PHACTR3: variants seen among roughly 807,000 people sequenced by gnomAD.
PHACTR3 encodes the protein phosphatase and actin regulator 3, also known as protein phosphatase 1, regulatory subunit 123.
In PHACTR3, 16 loss-of-function variants were observed where a neutral mutation model predicts 66.8. The ratio of observed to expected loss-of-function variants is 0.24; its 90% confidence interval spans 0.16 to 0.36. The LOEUF (loss-of-function observed/expected upper bound fraction) is 0.36, where lower values mean the gene tolerates loss of function less well. PHACTR3 is among the 10% of genes least tolerant of loss of function. PHACTR3 has a pLI of 1.00. For synonymous variants in PHACTR3, 323 were observed against 292.1 expected (o/e 1.11, Z -1.08); for missense variants, 647 against 719.9 (o/e 0.90, Z 1.16).
intron 8 of PHACTR3, among the ~76,000 whole-genome samples, chr20:59,831,663 A>G (rs1568866670): frequency 6.6e-6 from 1 of 152,038 alleles, no homozygotes; most frequent in African/African-American, 2.4e-5. Context: ...TGCAGCTTCC[A>G]AAGCCCAGCT....
In PHACTR3 at chr20:59,774,500, G is replaced by C. The variant is rs1057043879; in HGVS notation, c.1174+10G>C. On this transcript the variant is annotated intron_variant, in intron 7 of 12. Transcript: ENST00000371015. ...GACTCCATTATTTCTGGTGAGGAAA[G>C]GATGGCCCATTAAGTGTGGGGATCT... The C allele has an allele frequency of 4.3e-6, 7 of 1,612,216 alleles. No individual in the cohort carries two copies. Among genetic ancestry groups the C allele is most frequent in the Non-Finnish European group, 5.9e-6 (7 of 1,179,106 alleles).
At chr20:59,582,579 G>A (rs533768223) in intron 1 of PHACTR3, among the ~76,000 whole-genome samples, 27 of 152,280 alleles carry the variant, frequency 1.8e-4, no homozygotes, top group Non-Finnish European at 3.1e-4. Context: ...CGTTTCTCTC[G>A]CCAGCACTTG....
At chr20:59,594,663 T>C (rs964665150) in intron 1 of PHACTR3, among the ~76,000 whole-genome samples, 1 of 152,230 alleles carries the variant, frequency 6.6e-6, no homozygotes, top group Admixed American at 6.5e-5. Flanking sequence ...ATTAGTAACT[T>C]GTGTCCTCTC....
At chr20:59,654,632 A>C (rs1391517499) in intron 1 of PHACTR3, among the ~76,000 whole-genome samples, 3 of 152,158 alleles carry the variant, frequency 2.0e-5, no homozygotes, top group Non-Finnish European at 4.4e-5. Flanking sequence ...TTTTACTACC[A>C]GTTTTCAGGA....
At chr20:59,709,757 T>G (rs2037845008) in intron 1 of PHACTR3, among the ~76,000 whole-genome samples, 1 of 152,068 alleles carries the variant, frequency 6.6e-6, no homozygotes, top group Non-Finnish European at 1.5e-5. Flanking sequence ...ATGAAGGACC[T>G]GATGGGAATT....
chr20:59,651,467 A>G (rs927731688), intron 1 of PHACTR3, among the ~76,000 whole-genome samples: 1 of 152,238 alleles, frequency 6.6e-6, no homozygotes, highest in African/African-American at 2.4e-5. Flanking sequence ...AGCTAGCCAT[A>G]TGAACCTTAT....
At chr20:59,780,491 G>A (rs889413921) in intron 7 of PHACTR3, among the ~76,000 whole-genome samples, 6 of 152,282 alleles carry the variant, frequency 3.9e-5, no homozygotes, top group African/African-American at 1.2e-4. Flanking sequence ...GGCAGAAGGG[G>A]CCACAGAGCT....
intron 1 of PHACTR3, among the ~76,000 whole-genome samples, chr20:59,658,708 G>A (rs892893002): frequency 1.3e-5 from 2 of 152,134 alleles, no homozygotes; most frequent in African/African-American, 4.8e-5. Flanking sequence ...TCCACTAACT[G>A]CCAAATTATT....
At chr20:59,659,262 A>G (rs1471985924) in intron 1 of PHACTR3, among the ~76,000 whole-genome samples, 6 of 151,582 alleles carry the variant, frequency 4.0e-5, no homozygotes, top group Non-Finnish European at 5.9e-5. Flanking sequence ...CATAGTTTAT[A>G]CTACATGTCA....
chr20:59,752,598 G>A (rs1343886830), intron 3 of PHACTR3, among the ~76,000 whole-genome samples: 1 of 23,306 alleles, frequency 4.3e-5, no homozygotes, highest in African/African-American at 9.6e-5. Flanking sequence ...CAAGAAAGCA[G>A]GGGAAGGTTC....
intron 7 of PHACTR3, 37 bp downstream of exon 7, chr20:59,774,527 G>T (rs1487302025): frequency 6.3e-7 from 1 of 1,598,756 alleles, no homozygotes; most frequent in South Asian, 1.1e-5. Flanking sequence ...TGGGGATCTC[G>T]GCCAGAGGTC....
intron 1 of PHACTR3, among the ~76,000 whole-genome samples, chr20:59,640,931 C>G (rs953032838): frequency 2.2e-4 from 33 of 152,018 alleles, no homozygotes; most frequent in African/African-American, 7.7e-4. Context: ...CAAGTTTATG[C>G]CATTATTGTT....
intron 1 of PHACTR3, among the ~76,000 whole-genome samples, chr20:59,646,423 G>A (rs1439925017): frequency 6.6e-6 from 1 of 150,740 alleles, no homozygotes; most frequent in Non-Finnish European, 1.5e-5. Flanking sequence ...TCTTCACTGA[G>A]TTGTCATTGT....
At chr20:59,754,579 A>G (rs899672944) in intron 3 of PHACTR3, among the ~76,000 whole-genome samples, 1 of 152,234 alleles carries the variant, frequency 6.6e-6, no homozygotes, top group African/African-American at 2.4e-5. Context: ...CTGAGGGTCA[A>G]ACGGTGGGTG....
chr20:59,819,401 G>A (rs2145412893), intron 8 of PHACTR3, among the ~76,000 whole-genome samples: 1 of 152,256 alleles, frequency 6.6e-6, no homozygotes, highest in Non-Finnish European at 1.5e-5. Flanking sequence ...GCATGGTGGT[G>A]CACACCTGTG....
At chr20:59,731,391 CCA>C (rs1329782127) in intron 1 of PHACTR3, among the ~76,000 whole-genome samples, 1 of 152,162 alleles carries the variant, frequency 6.6e-6, no homozygotes, top group Non-Finnish European at 1.5e-5. Context: ...TCCTACTAAG[CCA>C]CATACAAAAA....
At chr20:59,627,588 C>G (rs1476927684) in intron 1 of PHACTR3, among the ~76,000 whole-genome samples, 1 of 152,250 alleles carries the variant, frequency 6.6e-6, no homozygotes, top group East Asian at 1.9e-4. Context: ...TATCAGATCC[C>G]CAGGTGGAAA....
intron 1 of PHACTR3, among the ~76,000 whole-genome samples, chr20:59,638,248 G>T (rs1321259534): frequency 2.6e-5 from 4 of 152,224 alleles, no homozygotes; most frequent in Non-Finnish European, 5.9e-5. Flanking sequence ...AGCTATGTTA[G>T]ATGGATGGGC....
At position 59,796,956 on chromosome 20, in the gene PHACTR3, GTCT is replaced by G. The variant is rs2041267853; in HGVS notation, c.1175-9080_1175-9078del. Among the ~76,000 whole-genome samples the G allele has an allele frequency of 3.3e-5, 5 of 152,190 alleles. 1 individual carries two copies. The South Asian group carries it at 6.2e-4, about 19-fold the overall frequency. ...AAATAAGTTTTCTGTGTTTTTATCT[GTCT>G]TCTTTGAAAATTTCATAATGCAAAC... On this transcript the variant is annotated intron_variant, in intron 7 of 12. Coordinates refer to ENST00000371015, the MANE Select transcript of PHACTR3 (RefSeq NM_080672.5).
Sources: allele counts gnomAD v4.1 joint callset (sites outside exome capture counted in the v4.1 genomes callset), GRCh38; gene constraint gnomAD v4.1.1; transcripts MANE v1.5; gene names NCBI Gene and HGNC (gene_info 2026-07-23, HGNC 2026-07-21).